Variants in RGL1 observed in about 807,000 individuals in gnomAD.
The protein encoded by RGL1 is ral guanine nucleotide dissociation stimulator-like 1.
RGL1 carries 24 observed loss-of-function variants against 95.2 expected under a neutral mutation model. The ratio of observed to expected loss-of-function variants is 0.25; its 90% CI spans 0.18 to 0.35. RGL1 has a LOEUF of 0.35. Among genes scored for constraint, RGL1 ranks in the 10% least tolerant of loss-of-function variants. The pLI is 1.00. For synonymous variants in RGL1, 329 were observed against 344.9 expected, an observed-to-expected ratio of 0.95 and a Z score of 0.51; for missense variants, 715 against 936.3, an observed-to-expected ratio of 0.76 and a Z score of 3.08.
At chr1:183,844,492 T>C (rs1459829675) in intron 2 of RGL1, among the ~76,000 whole-genome samples, 3 of 152,318 alleles carry the variant, frequency 2.0e-5, no homozygotes, top group South Asian at 2.1e-4. Context: ...AATAACACCG[T>C]TGGCATATGA....
chr1:183,733,430 C>T (rs1344187717), intron 1 of RGL1, among the ~76,000 whole-genome samples: 1 of 152,032 alleles, frequency 6.6e-6, no homozygotes, highest in African/African-American at 2.4e-5. Flanking sequence ...AGTGGTTTCC[C>T]CTTGGTTTCA....
At chr1:183,871,174 C>T (rs1666162526) in intron 4 of RGL1, among the ~76,000 whole-genome samples, 1 of 152,190 alleles carries the variant, frequency 6.6e-6, no homozygotes, top group Admixed American at 6.5e-5. Context: ...ACGGTACCTT[C>T]GACCACTTTT....
chr1:183,789,374 C>T (rs1019183960), intron 2 of RGL1, among the ~76,000 whole-genome samples: 12 of 152,098 alleles, frequency 7.9e-5, no homozygotes, highest in African/African-American at 2.4e-5. Flanking sequence ...TGCTCGAACC[C>T]GGGAGGTGGA....
At chr1:183,811,450 C>T (rs1661706570) in intron 2 of RGL1, among the ~76,000 whole-genome samples, 1 of 152,150 alleles carries the variant, frequency 6.6e-6, no homozygotes, top group Admixed American at 6.5e-5. Context: ...TCTAGGAAAA[C>T]AGGCCCTTGG....
At chr1:183,829,667 G>A (rs7556229) in intron 2 of RGL1, among the ~76,000 whole-genome samples, 86,292 of 151,874 alleles carry the variant, frequency 0.57, 25,003 homozygotes, top group Non-Finnish European at 0.63. Context: ...ACTAAGTTGA[G>A]TATCAAAGCT....
intron 1 of RGL1, among the ~76,000 whole-genome samples, chr1:183,660,766 C>G (rs1436443232): frequency 1.3e-5 from 2 of 152,096 alleles, no homozygotes; most frequent in Non-Finnish European, 2.9e-5. Flanking sequence ...TTTTTTTCAG[C>G]ACCACACCAC....
intron 1 of RGL1, among the ~76,000 whole-genome samples, chr1:183,649,331 C>T (rs977223059): frequency 6.6e-6 from 1 of 152,190 alleles, no homozygotes; most frequent in Non-Finnish European, 1.5e-5. Flanking sequence ...CTAGGGTTAT[C>T]TAGATTATTC....
chr1:183,807,635 A>G (rs192741140), intron 2 of RGL1, among the ~76,000 whole-genome samples: 92 of 152,306 alleles, frequency 6.0e-4, no homozygotes, highest in Non-Finnish European at 1.2e-3. Flanking sequence ...TGACACAGGC[A>G]TTCATTGCTT....
Position 183,925,436 on chromosome 1 carries a change from T to C in RGL1, c.2120-669T>C, listed in dbSNP as rs12094816. On this transcript the variant is annotated intron_variant, in intron 17 of 17. Transcript: ENST00000360851. The stretch of plus-strand genomic sequence containing the variant: ...TTGATAGGTGCAGCACATGTATACC[T>C]ATGTAACAAACCTGAACATTCTGCA... Among the ~76,000 whole-genome samples the C allele has an allele frequency of 7.5e-3, 1,140 of 152,288 alleles. 13 individuals carry two copies. The highest frequency in any genetic ancestry group is 0.021 in the African/African-American group (862 of 41,540).
At chr1:183,744,306 A>G (rs1926830) in intron 2 of RGL1, among the ~76,000 whole-genome samples, 67,766 of 151,420 alleles carry the variant, frequency 0.45, 16,399 homozygotes, top group East Asian at 0.8. Flanking sequence ...ATATACTTGC[A>G]CAACAGACTT....
intron 2 of RGL1, among the ~76,000 whole-genome samples, chr1:183,775,690 T>C (rs1659555282): frequency 6.6e-6 from 1 of 152,234 alleles, no homozygotes; most frequent in East Asian, 1.9e-4. Flanking sequence ...ATAATATCCT[T>C]ATGGGAAGAT....
intron 8 of RGL1, among the ~76,000 whole-genome samples, chr1:183,889,418 T>TATA (rs1667292055): frequency 2.0e-5 from 3 of 152,108 alleles, no homozygotes; most frequent in Non-Finnish European, 4.4e-5. Context: ...CCACATGTGG[T>TATA]ATAGTCAGTT....
chr1:183,680,745 T>C (rs1653155889), intron 1 of RGL1, among the ~76,000 whole-genome samples: 1 of 152,214 alleles, frequency 6.6e-6, no homozygotes, highest in Non-Finnish European at 1.5e-5. Context: ...AGGGATAGCA[T>C]TGAATCTATA....
chr1:183,721,960 C>G (rs1402274088), intron 1 of RGL1, among the ~76,000 whole-genome samples: 1 of 152,112 alleles, frequency 6.6e-6, no homozygotes, highest in East Asian at 1.9e-4. Flanking sequence ...ATTTCATTCA[C>G]CATTGTGATT....
At chr1:183,887,277 A>G (rs1435323962) in intron 7 of RGL1, among the ~76,000 whole-genome samples, 1 of 135,202 alleles carries the variant, frequency 7.4e-6, no homozygotes, top group Non-Finnish European at 1.6e-5. Flanking sequence ...GGTGGACATG[A>G]CTTTTATTAA....
At chr1:183,837,000 C>T (rs1663707606) in intron 2 of RGL1, among the ~76,000 whole-genome samples, 2 of 152,092 alleles carry the variant, frequency 1.3e-5, no homozygotes, top group Non-Finnish European at 2.9e-5. Context: ...ACTAAATGTT[C>T]CCATAGGAAT....
chr1:183,660,182 G>A (rs1318841139), intron 1 of RGL1, among the ~76,000 whole-genome samples: 4 of 152,076 alleles, frequency 2.6e-5, no homozygotes, highest in East Asian at 1.9e-4. Context: ...ACATCATAAT[G>A]ACAGGATCAA....
At chr1:183,841,699 A>G (rs1385209108) in intron 2 of RGL1, among the ~76,000 whole-genome samples, 2 of 152,204 alleles carry the variant, frequency 1.3e-5, no homozygotes, top group Non-Finnish European at 1.5e-5. Flanking sequence ...GTGTCATTAC[A>G]TACATGATTT....
intron 15 of RGL1, among the ~76,000 whole-genome samples, chr1:183,915,868 G>T (rs12134998): frequency 6.6e-6 from 1 of 152,222 alleles, no homozygotes; most frequent in Admixed American, 6.5e-5. Flanking sequence ...CTGTCAACTA[G>T]CTGTGTGGAC....
Sources: gnomAD v4.1 joint callset for allele counts (sites outside exome capture counted in the v4.1 genomes callset) on GRCh38, gnomAD v4.1.1 for gene constraint, MANE v1.5 for transcripts, NCBI Gene and HGNC (gene_info 2026-07-23, HGNC 2026-07-21) for gene names.